Variants in CNTN5 observed in about 807,000 individuals in gnomAD.
The protein encoded by CNTN5 is contactin 5, also known as contactin-5.
CNTN5 carries 77 observed loss-of-function variants against 129.1 expected under a neutral mutation model. The ratio of observed to expected loss-of-function variants is 0.60; its 90% CI spans 0.50 to 0.72. The LOEUF is 0.72. Ranked by LOEUF, CNTN5 falls within the 30% of genes least tolerant of loss-of-function variation. The probability of loss-of-function intolerance (pLI) is 0.00; values close to 1 mark genes in which losing one functional copy is unlikely to be tolerated. For missense variants in CNTN5, 1,478 were observed against 1,328.8 expected (o/e 1.11, Z -1.75); for synonymous variants, 509 against 465.6 (o/e 1.09, Z -1.20).
intron 1 of CNTN5, among the ~76,000 whole-genome samples, chr11:99,225,801 C>A (rs1046301511): frequency 6.6e-6 from 1 of 152,082 alleles, no homozygotes; most frequent in Non-Finnish European, 1.5e-5. Flanking sequence ...TTGGTACATT[C>A]TTTTGATGAA....
At chr11:100,178,416 ACTC>A (rs1948035585) in intron 13 of CNTN5, among the ~76,000 whole-genome samples, 1 of 151,890 alleles carries the variant, frequency 6.6e-6, no homozygotes, top group African/African-American at 2.4e-5. Context: ...TTGTAACTGG[ACTC>A]CTCCAGCTTT....
At chr11:99,550,455 TCTATGAGCC>T (rs975916140) in intron 2 of CNTN5, among the ~76,000 whole-genome samples, 2 of 152,152 alleles carry the variant, frequency 1.3e-5, no homozygotes, top group African/African-American at 4.8e-5. Flanking sequence ...ATGTTCCTTT[TCTATGAGCC>T]CTATTCCAAC....
chr11:99,021,641 C>T (rs1047426611), intron 1 of CNTN5, among the ~76,000 whole-genome samples: 1 of 152,106 alleles, frequency 6.6e-6, no homozygotes, highest in African/African-American at 2.4e-5. Context: ...AATAGGATGC[C>T]GTTCTCAGGT....
rs529998745 is a variant in CNTN5, at chr11:99,441,438, C to A, written c.-70-114707C>A. On this transcript the variant is annotated intron_variant, in intron 2 of 24. Transcript: ENST00000524871. ...AACTTTCTAACATATGTTAGAAACA[C>A]CCCCACGTTAATATACTAGCATCTA... Among the ~76,000 whole-genome samples, 15 of 152,184 alleles carry A rather than the reference C, an allele frequency of 9.9e-5. No homozygotes were observed. In the South Asian group the frequency reaches 2.5e-3, roughly 25 times the overall value.
At chr11:100,083,515 G>A (rs770555132) in intron 13 of CNTN5, among the ~76,000 whole-genome samples, 70 of 152,018 alleles carry the variant, frequency 4.6e-4, no homozygotes, top group Non-Finnish European at 8.5e-4. Context: ...ATAGGGTTTG[G>A]AGGGGACAAA....
chr11:99,988,605 G>A (rs910168431), intron 8 of CNTN5, among the ~76,000 whole-genome samples: 1 of 152,120 alleles, frequency 6.6e-6, no homozygotes, highest in Non-Finnish European at 1.5e-5. Flanking sequence ...TAAGAGAAAT[G>A]GTATAGAGAA....
At chr11:99,133,829 C>A (rs10892805) in intron 1 of CNTN5, among the ~76,000 whole-genome samples, 2 of 151,940 alleles carry the variant, frequency 1.3e-5, no homozygotes, top group Non-Finnish European at 2.9e-5. Context: ...ATAGTTCGAC[C>A]ATTGTGGAAG....
intron 1 of CNTN5, among the ~76,000 whole-genome samples, chr11:99,252,609 T>C (rs1387908851): frequency 6.6e-6 from 1 of 152,028 alleles, no homozygotes; most frequent in African/African-American, 2.4e-5. Context: ...ACGCTTGATA[T>C]TAAAACTTTT....
chr11:99,445,567 A>T (rs181582025), intron 2 of CNTN5, among the ~76,000 whole-genome samples: 2 of 152,250 alleles, frequency 1.3e-5, no homozygotes, highest in African/African-American at 4.8e-5. Flanking sequence ...TCTTTCCCAT[A>T]TGTAAAAGAC....
chr11:99,080,980 G>GTTTTTTTTTT (rs766619743), intron 1 of CNTN5, among the ~76,000 whole-genome samples: 1 of 112,462 alleles, frequency 8.9e-6, no homozygotes, highest in African/African-American at 3.3e-5. Context: ...TGAGAAATCA[G>GTTTTTTTTTT]TTTTTTTTTT....
intron 13 of CNTN5, among the ~76,000 whole-genome samples, chr11:100,107,488 C>CTT (rs10630943): frequency 0.024 from 3,105 of 130,466 alleles, 118 homozygotes; most frequent in African/African-American, 0.076. Context: ...CTATAGTATT[C>CTT]TTTTTTTTTT....
At chr11:99,814,624 A>G (rs1024364393) in intron 3 of CNTN5, among the ~76,000 whole-genome samples, 1 of 152,096 alleles carries the variant, frequency 6.6e-6, no homozygotes, top group African/African-American at 2.4e-5. Context: ...AGGTGCATTG[A>G]AGGAATTGAG....
chr11:99,600,247 T>C (rs1200769520), intron 3 of CNTN5, among the ~76,000 whole-genome samples: 1 of 151,390 alleles, frequency 6.6e-6, no homozygotes, highest in Non-Finnish European at 1.5e-5. Context: ...AGAAAAAAAC[T>C]GACATGTAAA....
At chr11:99,079,070 T>C (rs912353078) in intron 1 of CNTN5, among the ~76,000 whole-genome samples, 6 of 152,130 alleles carry the variant, frequency 3.9e-5, no homozygotes, top group African/African-American at 1.4e-4. Flanking sequence ...TAAATATATA[T>C]ACCCATCTAC....
At chr11:100,040,136 G>T (rs1313494483) in intron 9 of CNTN5, among the ~76,000 whole-genome samples, 1 of 151,842 alleles carries the variant, frequency 6.6e-6, no homozygotes, top group East Asian at 1.9e-4. Context: ...GTGACGTACA[G>T]ATGGGTTTTT....
Position 99,675,716 on chromosome 11 carries a change from T to A in CNTN5, c.55+119447T>A, listed in dbSNP as rs1258275716. On this transcript the variant is annotated intron_variant, in intron 3 of 24. Coordinates refer to ENST00000524871, the MANE Select transcript of CNTN5 (RefSeq NM_014361.4). ...AAAAATTAAAATAGAAACAGATAAA[T>A]CTAAATGGAAATTCTTTAAAATTCA... is the stretch of plus-strand genomic sequence containing the variant. Among the ~76,000 whole-genome samples, 2 of 151,796 alleles carry A rather than the reference T, an allele frequency of 1.3e-5. 1 individual carries two copies. The highest frequency in any genetic ancestry group is 2.9e-5 in the Non-Finnish European group (2 of 67,924).
chr11:99,972,214 TTG>T, intron 8 of CNTN5, among the ~76,000 whole-genome samples: 1 of 151,882 alleles, frequency 6.6e-6, no homozygotes, highest in African/African-American at 2.4e-5. Flanking sequence ...TGAGCCGAGA[TTG>T]CGCCACTGCA....
rs542552104 is a variant in CNTN5 at position 99,853,589 on chromosome 11, C to T, written c.577+8327C>T. Among the ~76,000 whole-genome samples, 11 of 151,984 alleles carry T rather than the reference C, an allele frequency of 7.2e-5. No homozygotes were observed. The South Asian group carries it at 1.2e-3, about 17-fold the overall frequency. ...TAATTTTTTGTATTTTTAGTAGAGA[C>T]GGGGTTTCTCCATGTTGGTCAGCCT... On this transcript the variant is annotated intron_variant, in intron 6 of 24. Transcript: ENST00000524871.
intron 3 of CNTN5, among the ~76,000 whole-genome samples, chr11:99,766,241 A>G (rs1944751572): frequency 6.6e-6 from 1 of 152,094 alleles, no homozygotes; most frequent in Admixed American, 6.6e-5. Context: ...TGGAATGCAA[A>G]CATATTTATC....
Sources: allele counts gnomAD v4.1 joint callset (sites outside exome capture counted in the v4.1 genomes callset), GRCh38; gene constraint gnomAD v4.1.1; transcripts MANE v1.5; gene names NCBI Gene and HGNC (gene_info 2026-07-23, HGNC 2026-07-21).